The following ST3GAL1 variants were observed in gnomAD, a reference collection of about 807,000 sequenced individuals.
ST3GAL1 encodes the protein ST3 beta-galactoside alpha-2,3-sialyltransferase 1.
A neutral mutation model predicts 34.1 loss-of-function variants in ST3GAL1; 16 were observed. The ratio of observed to expected loss-of-function variants is 0.47; its 90% CI spans 0.32 to 0.71. The LOEUF (loss-of-function observed/expected upper bound fraction) is 0.71. Among genes scored for constraint, ST3GAL1 ranks in the 30% least tolerant of loss-of-function variants. The probability of loss-of-function intolerance (pLI) is 0.04; values close to 1 mark genes in which losing one functional copy is unlikely to be tolerated. For missense variants in ST3GAL1, 353 were observed against 447.4 expected, an observed-to-expected ratio of 0.79 and a Z score of 1.90; for synonymous variants, 191 against 184.7, an observed-to-expected ratio of 1.03 and a Z score of -0.28.
intron 1 of ST3GAL1, among the ~76,000 whole-genome samples, chr8:133,557,490 C>G (rs1819080026): frequency 6.6e-6 from 1 of 152,150 alleles, no homozygotes; most frequent in South Asian, 2.1e-4. Flanking sequence ...GCCTCCTATC[C>G]AGGTTCTGCC....
chr8:133,526,300 T>C (rs894544725), intron 2 of ST3GAL1, among the ~76,000 whole-genome samples: 6 of 151,954 alleles, frequency 3.9e-5, no homozygotes, highest in Admixed American at 6.6e-5. Context: ...CCATACTCAT[T>C]CCCCAGCCAG....
At chr8:133,463,642 A>G (rs1350912679) in intron 7 of ST3GAL1, among the ~76,000 whole-genome samples, 183 bp from the exon 8 acceptor site, 1 of 152,144 alleles carries the variant, frequency 6.6e-6, no homozygotes, top group Non-Finnish European at 1.5e-5. Flanking sequence ...GCAAGCCCCA[A>G]TAGACACCAG....
chr8:133,529,840 G>A (rs908129189), intron 2 of ST3GAL1, among the ~76,000 whole-genome samples: 1 of 152,146 alleles, frequency 6.6e-6, no homozygotes, highest in African/African-American at 2.4e-5. Context: ...CGTGGACAAG[G>A]TTCTTGCCTT....
rs1248523856 is a variant in ST3GAL1 at position 133,456,188 on chromosome 8, G to A, written c.*3576C>T. 2 of 152,266 alleles carry A rather than the reference G, an allele frequency of 1.3e-5. No homozygotes were observed. The highest frequency in any genetic ancestry group is 1.5e-5 in the Non-Finnish European group (1 of 68,052). 9.4% of individuals were successfully genotyped at this position (152,266 alleles called of 1,614,324 possible). A position where few individuals can be genotyped will look rare whatever the true frequency, so the allele number is the denominator to read the frequency against. On this transcript the variant is annotated 3_prime_UTR_variant, in exon 10 of 10. Coordinates refer to ENST00000522652, the MANE Select transcript of ST3GAL1 (RefSeq NM_173344.3). ...CCCAGGATCCCTGCAGAGAACCAGA[G>A]GTTACAAATCTGCCCTCCTTTCTCC...
intron 3 of ST3GAL1, among the ~76,000 whole-genome samples, chr8:133,487,293 GTATA>G (rs34125913): frequency 0.37 from 56,227 of 150,356 alleles, 10,603 homozygotes; most frequent in Middle Eastern, 0.4. Context: ...AATACTATTG[GTATA>G]TATATATATA....
At chr8:133,534,365 A>G (rs1818245581) in intron 2 of ST3GAL1, among the ~76,000 whole-genome samples, 1 of 151,282 alleles carries the variant, frequency 6.6e-6, no homozygotes, top group Admixed American at 6.6e-5. Flanking sequence ...TATAATATAT[A>G]TATGGACATA....
At position 133,502,776 on chromosome 8, in the gene ST3GAL1, G is replaced by T. The variant is rs76709333; in HGVS notation, c.-428-3587C>A. Among the ~76,000 whole-genome samples, 59 of 152,328 alleles carry T rather than the reference G, an allele frequency of 3.9e-4. No homozygotes were observed. In the East Asian group the frequency reaches 0.011, roughly 29 times the overall value. On this transcript the variant is annotated intron_variant, in intron 2 of 9. Transcript: ENST00000522652. ...CAACTATTAAGTGACAGAGATAGGA[G>T]TCAGACCCAGGCATCTGTCTGCAGA...
Position 133,464,922 on chromosome 8 carries a change from T to A in ST3GAL1, c.539A>T (p.Asp180Val). ...NKAPTAGFEA[D>V]VGTKTTHHLV... ...ATGGTGGGTGGTCTTGGTCCCAACA[T>A]CAGCTTCAAACCCTGCCGTGGGCGC... Residue 180 changes from aspartate to valine, a missense_variant, in exon 7 of 10, where the codon GAT becomes GTT. By Grantham distance (152) the Asp-to-Val change is radical. Transcript: ENST00000522652. The A allele has an allele frequency of 6.2e-7, 1 of 1,613,872 alleles. No homozygotes were observed. The highest frequency in any genetic ancestry group is 8.5e-7 in the Non-Finnish European group (1 of 1,179,876).
chr8:133,456,672 T>C lies in ST3GAL1; in HGVS notation c.*3092A>G, dbSNP rs558153107. The stretch of plus-strand genomic sequence containing the variant: ...ACAACTGGATTCTGTTAAGTGCCCA[T>C]TGCTAAGCCAATGAGCTATCTGCTG... On this transcript the variant is annotated 3_prime_UTR_variant, in exon 10 of 10. Transcript: ENST00000522652. The C allele has an allele frequency of 2.0e-5, 3 of 152,282 alleles. No homozygotes were observed. The highest frequency in any genetic ancestry group is 6.5e-5 in the Admixed American group (1 of 15,290). 9.4% of individuals were successfully genotyped at this position (152,282 alleles called of 1,614,324 possible). A position where few individuals can be genotyped will look rare whatever the true frequency, so the allele number is the denominator to read the frequency against.
rs974514460 is a variant in ST3GAL1, at chr8:133,556,732, A to C, written c.-581-10806T>G. 6.6e-6 allele frequency among the ~76,000 whole-genome samples: 1 copy of C among 152,228 alleles called. No individual in the cohort carries two copies. Among genetic ancestry groups the C allele is most frequent in the Non-Finnish European group, 1.5e-5 (1 of 68,044 alleles). On this transcript the variant is annotated intron_variant, in intron 1 of 9. Transcript: ENST00000522652. This position sits in a 1 kb window ranked among gnomAD's most constrained non-coding sequence, Gnocchi z 8.9. ...TGCACCCAAGGACACGGCTGACATC[A>C]TATAAAGTCTGTCCCTGGCAAATGT...
intron 2 of ST3GAL1, among the ~76,000 whole-genome samples, chr8:133,512,649 G>C (rs1287181384): frequency 6.6e-6 from 1 of 152,154 alleles, no homozygotes; most frequent in Non-Finnish European, 1.5e-5. Flanking sequence ...GTCTGAGTCC[G>C]CACAGGGTTG....
At chr8:133,540,896 CAT>C (rs1182680023) in intron 2 of ST3GAL1, among the ~76,000 whole-genome samples, 1 of 81,892 alleles carries the variant, frequency 1.2e-5, no homozygotes, top group East Asian at 2.8e-4. Context: ...TATATATAGA[CAT>C]ATATATAGAC....
chr8:133,553,504 A>G (rs1015645025), intron 1 of ST3GAL1, among the ~76,000 whole-genome samples: 4 of 152,256 alleles, frequency 2.6e-5, no homozygotes, highest in Non-Finnish European at 4.4e-5. Flanking sequence ...TGGCTATGCC[A>G]TCAACTGACC....
chr8:133,524,915 C>T (rs774114492), intron 2 of ST3GAL1, among the ~76,000 whole-genome samples: 22 of 152,274 alleles, frequency 1.4e-4, no homozygotes, highest in Non-Finnish European at 2.6e-4. Context: ...GGTGTCACAG[C>T]CCTGGCTTGG....
At chr8:133,557,306 T>C (rs1034858886) in intron 1 of ST3GAL1, among the ~76,000 whole-genome samples, 1 of 152,182 alleles carries the variant, frequency 6.6e-6, no homozygotes, top group Non-Finnish European at 1.5e-5. Flanking sequence ...AACCAACGCG[T>C]GGCACAATGG....
At position 133,463,399 on chromosome 8, in the gene ST3GAL1, G is replaced by A. The variant is rs771312717; in HGVS notation, c.729+15C>T. ...AGCCTGAACTTAGAACAGAGGGGCC[G>A]GGGCCTCCACTCACCTTATCCTGTT... On this transcript the variant is annotated intron_variant, in intron 8 of 9. Coordinates refer to ENST00000522652, the MANE Select transcript of ST3GAL1 (RefSeq NM_173344.3). 7.4e-6 allele frequency: 12 copies of A among 1,613,536 alleles called. No homozygotes were observed. The highest frequency in any genetic ancestry group is 5.3e-5 in the African/African-American group (4 of 75,020).
intron 2 of ST3GAL1, among the ~76,000 whole-genome samples, chr8:133,544,858 A>C (rs1278351538): frequency 6.6e-6 from 1 of 152,204 alleles, no homozygotes. Flanking sequence ...AGTCCTTGCC[A>C]ATAATCATAT....
At chr8:133,554,748 G>C (rs1818958270) in intron 1 of ST3GAL1, among the ~76,000 whole-genome samples, 1 of 135,538 alleles carries the variant, frequency 7.4e-6, no homozygotes. Flanking sequence ...TTTTTTTTGA[G>C]TCGGAGTCTT....
chr8:133,570,192 G>C lies in ST3GAL1; in HGVS notation c.-582+1501C>G, dbSNP rs1819526906. 6.6e-6 allele frequency: 1 copy of C among 152,312 alleles called. No individual in the cohort carries two copies. The highest frequency in any genetic ancestry group is 2.4e-5 in the African/African-American group (1 of 41,474). The allele number at this position is 152,312 out of a possible 1,614,324, so 9.4% of individuals were successfully genotyped here. A position where few individuals can be genotyped will look rare whatever the true frequency, so the allele number is the denominator to read the frequency against. On this transcript the variant is annotated intron_variant, in intron 1 of 9. Coordinates refer to ENST00000522652, the MANE Select transcript of ST3GAL1 (RefSeq NM_173344.3). The surrounding 1 kb of genome is among the most constrained non-coding windows in gnomAD (Gnocchi z 5.6). ...CACACACACCCAGCCGCAGAGCGGG[G>C]GTGGGCGCTCGCTGTCTCCCTGGAG...
Sources: gnomAD v4.1 joint callset for allele counts (sites outside exome capture counted in the v4.1 genomes callset) on GRCh38, gnomAD v4.1.1 for gene constraint, Gnocchi (gnomAD v3.1) non-coding constraint, MANE v1.5 for transcripts, NCBI Gene and HGNC (gene_info 2026-07-23, HGNC 2026-07-21) for gene names.